Variants in ATF2 observed in about 807,000 individuals in gnomAD.
ATF2 encodes the protein activating transcription factor 2, also known as cyclic AMP-dependent transcription factor ATF-2.
Under a neutral mutation model 60.6 loss-of-function variants are expected in ATF2, and 24 were observed. The ratio of observed to expected loss-of-function variants is 0.40; its 90% CI spans 0.29 to 0.56. The LOEUF is 0.56. Among genes scored for constraint, ATF2 ranks in the 20% least tolerant of loss-of-function variants. The pLI, the probability that ATF2 is intolerant of heterozygous loss-of-function variation, is 0.54. For synonymous variants in ATF2, 206 were observed against 215.4 expected, an observed-to-expected ratio of 0.96 and a Z score of 0.38; for missense variants, 433 against 607.7, an observed-to-expected ratio of 0.71 and a Z score of 3.02.
intron 4 of ATF2, among the ~76,000 whole-genome samples, chr2:175,129,535 T>C (rs749937876): frequency 6.6e-6 from 1 of 152,254 alleles, no homozygotes; most frequent in Non-Finnish European, 1.5e-5. Context: ...TCCGTATATT[T>C]AAGTACTTTG....
intron 12 of ATF2, among the ~76,000 whole-genome samples, chr2:175,092,812 ATAGTT>A (rs1694651353): frequency 6.6e-6 from 1 of 152,170 alleles, no homozygotes; most frequent in South Asian, 2.1e-4. Context: ...TTCAAACCGG[ATAGTT>A]TAGCTACTTT....
chr2:175,145,474 A>G (rs1346274697), intron 2 of ATF2, among the ~76,000 whole-genome samples: 1 of 152,154 alleles, frequency 6.6e-6, no homozygotes, highest in Non-Finnish European at 1.5e-5. Flanking sequence ...ATGCTCCTTG[A>G]GGCTTCCTGA....
intron 13 of ATF2, among the ~76,000 whole-genome samples, chr2:175,076,090 T>C (rs1253654606): frequency 6.6e-6 from 1 of 152,154 alleles, no homozygotes; most frequent in African/African-American, 2.4e-5. Context: ...GGACTTAGCC[T>C]ATGATTTGCA....
chr2:175,116,952 T>G lies in ATF2; in HGVS notation c.447+1038A>C, dbSNP rs572365742. 1.1e-4 allele frequency among the ~76,000 whole-genome samples: 16 copies of G among 152,066 alleles called. 1 individual carries two copies. The East Asian group carries it at 3.1e-3, about 29-fold the overall frequency. On this transcript the variant is annotated intron_variant, in intron 7 of 13. Coordinates refer to ENST00000264110, the MANE Select transcript of ATF2 (RefSeq NM_001880.4). ...AGTACAATCATTAAAAAGTATGATT[T>G]GGGGAACTCTCTAATGACATGGGAA...
Position 175,146,434 on chromosome 2 carries a change from A to G in ATF2, c.-44+4626T>C, listed in dbSNP as rs1335844991. Among the ~76,000 whole-genome samples, 3 of 152,194 alleles carry G rather than the reference A, an allele frequency of 2.0e-5. No homozygotes were observed. In the East Asian group the frequency reaches 5.8e-4, roughly 29 times the overall value. ...TTAACTTCCTGACTTTCATGGACAT[A>G]TTGTGATTTTGTAACAGAATGTCTT... On this transcript the variant is annotated intron_variant, in intron 2 of 13. Transcript: ENST00000264110.
chr2:175,132,176 T>C (rs1049987717), intron 3 of ATF2, among the ~76,000 whole-genome samples: 1 of 152,178 alleles, frequency 6.6e-6, no homozygotes, highest in African/African-American at 2.4e-5. Context: ...ATAAAAATGT[T>C]TTTGACTTCA....
At chr2:175,081,478 G>A (rs766774011) in intron 12 of ATF2, among the ~76,000 whole-genome samples, 7 of 152,268 alleles carry the variant, frequency 4.6e-5, no homozygotes, top group South Asian at 2.1e-4. Context: ...GAGCAAGTCC[G>A]ACTAATTCCT....
intron 1 of ATF2, among the ~76,000 whole-genome samples, chr2:175,159,610 TTA>T (rs1314379675): frequency 2.0e-5 from 3 of 152,212 alleles, no homozygotes; most frequent in Non-Finnish European, 4.4e-5. Flanking sequence ...CCAGACTGTA[TTA>T]TGAGTATGTG....
At chr2:175,155,908 G>A (rs558220804) in intron 1 of ATF2, among the ~76,000 whole-genome samples, 3 of 152,152 alleles carry the variant, frequency 2.0e-5, no homozygotes, top group African/African-American at 7.2e-5. Context: ...GAAAATTGTA[G>A]GAATCAACTT....
Position 175,074,182 on chromosome 2 carries a change from A to C in ATF2, c.*427T>G, listed in dbSNP as rs984499266. 2.6e-5 allele frequency: 4 copies of C among 155,110 alleles called. No individual in the cohort carries two copies. The highest frequency in any genetic ancestry group is 9.6e-5 in the African/African-American group (4 of 41,466). The allele number at this position is 155,110 out of a possible 1,614,324, so 9.6% of individuals were successfully genotyped here. A position where few individuals can be genotyped will look rare whatever the true frequency, so the allele number is the denominator to read the frequency against. On this transcript the variant is annotated 3_prime_UTR_variant, in exon 14 of 14. Transcript: ENST00000264110. Reference sequence around the variant, plus strand: ...ACTCCGTTAACATTACAAAGTCAACAGGGACTATGCAAAACTTTGGTATAA... The same window carrying C: ...ACTCCGTTAACATTACAAAGTCAACCGGGACTATGCAAAACTTTGGTATAA...
intron 2 of ATF2, among the ~76,000 whole-genome samples, chr2:175,148,302 G>C (rs999503723): frequency 5.9e-5 from 9 of 152,050 alleles, no homozygotes; most frequent in African/African-American, 2.2e-4. Flanking sequence ...GCCCTGAAAT[G>C]CTACTAAAGG....
intron 7 of ATF2, among the ~76,000 whole-genome samples, chr2:175,115,427 AAAAT>A (rs1696484162): frequency 1.3e-5 from 2 of 152,200 alleles, no homozygotes; most frequent in African/African-American, 4.8e-5. Context: ...TCTTGAATGT[AAAAT>A]AAATAATTAC....
chr2:175,159,483 T>C (rs191623468), intron 1 of ATF2, among the ~76,000 whole-genome samples: 1 of 152,244 alleles, frequency 6.6e-6, no homozygotes, highest in Admixed American at 6.5e-5. Flanking sequence ...GCAGTATTTT[T>C]TCCCCCACTC....
At chr2:175,128,385 A>G (rs543204544) in intron 4 of ATF2, among the ~76,000 whole-genome samples, 59 of 152,116 alleles carry the variant, frequency 3.9e-4, no homozygotes, top group Non-Finnish European at 7.2e-4. Flanking sequence ...CTGTAATCCA[A>G]GCTACTTGGG....
Position 175,100,197 on chromosome 2 carries a change from T to C in ATF2, c.829-2604A>G, listed in dbSNP as rs112829118. Reference sequence around the variant, plus strand: ...ATTGATCTTTGAGTCTCAATTTCTTTACCTATAAAACTGGGAATAATAACT... The same window carrying C: ...ATTGATCTTTGAGTCTCAATTTCTTCACCTATAAAACTGGGAATAATAACT... On this transcript the variant is annotated intron_variant, in intron 10 of 13. Transcript: ENST00000264110. 3.4e-3 allele frequency among the ~76,000 whole-genome samples: 515 copies of C among 152,332 alleles called. 3 individuals are homozygous for C. Among genetic ancestry groups the C allele is most frequent in the African/African-American group, 0.012 (490 of 41,564 alleles).
At chr2:175,086,277 G>T (rs917987388) in intron 12 of ATF2, among the ~76,000 whole-genome samples, 1 of 152,104 alleles carries the variant, frequency 6.6e-6, no homozygotes, top group African/African-American at 2.4e-5. Flanking sequence ...TTAAAAGATG[G>T]TATCACCACT....
At position 175,130,142 on chromosome 2, in the gene ATF2, C is replaced by A; in HGVS notation, c.98G>T (p.Gly33Val). 6.3e-7 allele frequency: 1 copy of A among 1,584,560 alleles called. No homozygotes were observed. Residue 33 changes from glycine (G) to valine (V), a missense_variant, in exon 4 of 14, where the codon GGC (glycine) becomes GTC (valine). Physicochemically the swap from Gly to Val is moderately radical, Grantham distance 109. Around this residue, in one of 5 missense-constraint regions of ATF2, gnomAD observed 29 missense variants for 102.1 expected, o/e 0.28. Coordinates refer to ENST00000264110, the MANE Select transcript of ATF2 (RefSeq NM_001880.4). ...TTAAAGTAATTTATATATTACCTGGCCACATCCAGGCGCAGTACATAGAAA... is the reference window on the plus strand; with the variant it reads ...TTAAAGTAATTTATATATTACCTGGACACATCCAGGCGCAGTACATAGAAA... ...KPFLCTAPGC[G>V]QRFTNEDHLA...
intron 1 of ATF2, among the ~76,000 whole-genome samples, chr2:175,158,750 G>A (rs568331087): frequency 2.6e-5 from 4 of 151,574 alleles, no homozygotes; most frequent in African/African-American, 4.9e-5. Context: ...ACTGCCCCTG[G>A]CCAGGAAAAT....
intron 3 of ATF2, among the ~76,000 whole-genome samples, chr2:175,132,340 C>T (rs1697792111): frequency 6.6e-6 from 1 of 152,108 alleles, no homozygotes; most frequent in Non-Finnish European, 1.5e-5. Context: ...TACTCTTTAT[C>T]AGATTAAGAA....
Sources: gnomAD v4.1 joint callset for allele counts (sites outside exome capture counted in the v4.1 genomes callset) on GRCh38, gnomAD v4.1.1 for gene constraint, gnomAD v4.1.1 regional missense constraint, MANE v1.5 for transcripts, NCBI Gene and HGNC (gene_info 2026-07-23, HGNC 2026-07-21) for gene names.